HAS3: variants seen among roughly 807,000 people sequenced by gnomAD.
The protein encoded by HAS3 is HA synthase 3.
Under a neutral mutation model 50.3 loss-of-function variants are expected in HAS3, and 27 were observed. The observed-to-expected ratio is 0.54, with a 90% CI of 0.40 to 0.74. The LOEUF is 0.74. HAS3 is among the 30% of genes least tolerant of loss of function. HAS3 has a pLI of 0.00. For missense variants in HAS3, 517 were observed against 742.8 expected (o/e 0.70, Z 3.53); for synonymous variants, 339 against 310.9 (o/e 1.09, Z -0.95).
upstream of HAS3, among the ~76,000 whole-genome samples, chr16:69,103,385 A>AAGAC (rs1960716001): frequency 6.6e-6 from 1 of 152,104 alleles, no homozygotes; most frequent in African/African-American, 2.4e-5. Flanking sequence ...CAAGAGAGAC[A>AAGAC]AGACATTTTT....
In HAS3 at chr16:69,106,077, G is replaced by A. The variant is rs917445942; in HGVS notation, c.-1+290G>A. 1.3e-5 allele frequency among the ~76,000 whole-genome samples: 2 copies of A among 152,114 alleles called. No homozygotes were observed. Among genetic ancestry groups the A allele is most frequent in the African/African-American group, 4.8e-5 (2 of 41,434 alleles). On this transcript the variant is annotated intron_variant, in intron 1 of 3. Transcript: ENST00000569188. This position sits in a 1 kb window ranked among gnomAD's most constrained non-coding sequence, Gnocchi z 5.5. ...TCCCCGCCGAGCGCTGGCTTGTGGC[G>A]CTCCCTGGGACCGCGCGGGGTCGGG... is the stretch of plus-strand genomic sequence containing the variant.
upstream of HAS3, among the ~76,000 whole-genome samples, chr16:69,103,223 C>T (rs896866208): frequency 6.6e-6 from 1 of 152,144 alleles, no homozygotes; most frequent in Non-Finnish European, 1.5e-5. Context: ...CATTTTTGCC[C>T]TTGCCAAGCC....
At chr16:69,085,868 C>T in the HAS3 span, among the ~76,000 whole-genome samples, 46 of 152,082 alleles carry the variant, frequency 3.0e-4, no homozygotes, top group African/African-American at 1.0e-3. Flanking sequence ...CATGAGCCAC[C>T]GTGCCTGACC....
Position 69,116,543 on chromosome 16 carries a change from T to C in HAS3, c.*1277T>C, listed in dbSNP as rs1025787836. Reference sequence around the variant, plus strand: ...CTTTGAGACCATCCATTCTCCTCAGTGGCTTCTCCAGGGAATTCTTACAGC... The same window carrying C: ...CTTTGAGACCATCCATTCTCCTCAGCGGCTTCTCCAGGGAATTCTTACAGC... On this transcript the variant is annotated 3_prime_UTR_variant, in exon 4 of 4. Coordinates refer to ENST00000569188, the MANE Select transcript of HAS3 (RefSeq NM_001199280.2). 4.1e-6 allele frequency: 4 copies of C among 985,624 alleles called. No individual in the cohort carries two copies. In the African/African-American group the frequency reaches 5.2e-5, roughly 13 times the overall value. 61.1% of individuals were successfully genotyped at this position (985,624 alleles called of 1,614,324 possible).
rs975457475 is a variant in HAS3, at chr16:69,116,978, C to G, written c.*1712C>G. The G allele has an allele frequency of 1.0e-6, 1 of 985,318 alleles. No homozygotes were observed. Among genetic ancestry groups the G allele is most frequent in the African/African-American group, 1.7e-5 (1 of 57,232 alleles). The allele number at this position is 985,318 out of a possible 1,614,324, so 61.0% of individuals were successfully genotyped here. On this transcript the variant is annotated 3_prime_UTR_variant, in exon 4 of 4. Coordinates refer to ENST00000569188, the MANE Select transcript of HAS3 (RefSeq NM_001199280.2). ...AGCCACAGATGGGCAAACCCTGGTG[C>G]TTTCCTTCATCTCCCACGAACTCAA...
intron 3 of HAS3, 81 bp downstream of exon 3, chr16:69,113,623 T>C: frequency 1.2e-6 from 1 of 819,746 alleles, no homozygotes; most frequent in Non-Finnish European, 2.0e-6. Flanking sequence ...GGGAAATGGG[T>C]GTCTTGACTT....
chr16:69,112,211 G>A (rs556163000), intron 2 of HAS3, among the ~76,000 whole-genome samples: 11 of 152,380 alleles, frequency 7.2e-5, no homozygotes, highest in African/African-American at 2.6e-4. Context: ...GGGCAGGGAG[G>A]AGCAGTGAGA....
chr16:69,102,863 T>A (rs1165829788), upstream of HAS3, among the ~76,000 whole-genome samples: 5 of 151,978 alleles, frequency 3.3e-5, no homozygotes, highest in East Asian at 9.6e-4. Flanking sequence ...CCCAGAGAAG[T>A]CATGTTGCTG....
chr16:69,105,179 G>T (rs1332736455), upstream of HAS3, among the ~76,000 whole-genome samples: 1 of 151,700 alleles, frequency 6.6e-6, no homozygotes. Flanking sequence ...CGAAAGTGCT[G>T]AGATTACAGG....
At chr16:69,108,781 C>G (rs1241065263) in intron 1 of HAS3, among the ~76,000 whole-genome samples, 1 of 152,226 alleles carries the variant, frequency 6.6e-6, no homozygotes, top group Non-Finnish European at 1.5e-5. Flanking sequence ...GAAAGTTTCT[C>G]TAATAACTGT....
rs2232226 is a variant in HAS3 at position 69,109,241 on chromosome 16, G to T, written c.1-155G>T. Among the ~76,000 whole-genome samples the T allele has an allele frequency of 7.7e-3, 1,166 of 152,356 alleles. 16 individuals carry two copies. Among genetic ancestry groups the T allele is most frequent in the African/African-American group, 0.025 (1,049 of 41,586 alleles). ...CAGAGCTGGGATCTGAACCCCAGTA[G>T]TCTGGCTTCTGAGTCTACCAAGTCT... On this transcript the variant is annotated intron_variant, in intron 1 of 3. Coordinates refer to ENST00000569188, the MANE Select transcript of HAS3 (RefSeq NM_001199280.2). This position sits in a 1 kb window ranked among gnomAD's most constrained non-coding sequence, Gnocchi z 5.3.
intron 1 of HAS3, among the ~76,000 whole-genome samples, chr16:69,108,007 T>G (rs1450768253): frequency 6.6e-6 from 1 of 152,030 alleles, no homozygotes; most frequent in East Asian, 1.9e-4. Flanking sequence ...GACAGGAAAG[T>G]GTGTTTGTTT....
In HAS3 at chr16:69,116,899, G is replaced by A. The variant is rs1390854135; in HGVS notation, c.*1633G>A. 12 of 985,326 alleles carry A rather than the reference G, an allele frequency of 1.2e-5. No individual in the cohort carries two copies. The highest frequency in any genetic ancestry group is 1.4e-5 in the Non-Finnish European group (12 of 829,942). 61.0% of individuals were successfully genotyped at this position (985,326 alleles called of 1,614,324 possible). On this transcript the variant is annotated 3_prime_UTR_variant, in exon 4 of 4. Coordinates refer to ENST00000569188, the MANE Select transcript of HAS3 (RefSeq NM_001199280.2). ...GCACTAAGGTGGACAGCAGACAAGA[G>A]GGCAAGCCTCTAGTGTACCAAGTGC...
the HAS3 span, among the ~76,000 whole-genome samples, chr16:69,098,907 T>A: frequency 3.4e-4 from 51 of 152,092 alleles, 1 homozygote; most frequent in African/African-American, 1.2e-3. Flanking sequence ...TCAGGTGATC[T>A]GCCTGCCTCT....
At chr16:69,084,417 C>T in the HAS3 span, 9 of 152,296 alleles carry the variant, frequency 5.9e-5, no homozygotes, top group Non-Finnish European at 8.8e-5. Flanking sequence ...AAAAGAACCA[C>T]GAGCATCCAG....
chr16:69,105,205 C>T (rs1052709589), upstream of HAS3, among the ~76,000 whole-genome samples: 1 of 151,392 alleles, frequency 6.6e-6, no homozygotes, highest in Admixed American at 6.6e-5. Flanking sequence ...GCCACGGCGC[C>T]CGGCCACTCA....
rs1307027424 is a variant in HAS3 at position 69,114,122 on chromosome 16, G to A, written c.739-221G>A. 6.6e-6 allele frequency among the ~76,000 whole-genome samples: 1 copy of A among 152,224 alleles called. No individual in the cohort carries two copies. The highest frequency in any genetic ancestry group is 1.5e-5 in the Non-Finnish European group (1 of 68,044). ...GAGCCACTTAGTGGGGAAAATCTCT[G>A]CAGATAAGATGACACAGTAGGGAGG... On this transcript the variant is annotated intron_variant, in intron 3 of 3. Coordinates refer to ENST00000569188, the MANE Select transcript of HAS3 (RefSeq NM_001199280.2). This position sits in a 1 kb window ranked among gnomAD's most constrained non-coding sequence, Gnocchi z 6.4.
downstream of HAS3, chr16:69,118,414 T>C: frequency 1.9e-6 from 3 of 1,613,604 alleles, no homozygotes; most frequent in Non-Finnish European, 8.5e-7. Context: ...AGGTCAGAGC[T>C]ACGGAAGCAT....
the HAS3 span, among the ~76,000 whole-genome samples, chr16:69,097,421 T>C: frequency 6.7e-6 from 1 of 149,382 alleles, no homozygotes; most frequent in South Asian, 2.1e-4. Flanking sequence ...CACTCCAGCC[T>C]GGGTGACAGA....
Sources: gnomAD v4.1 joint callset for allele counts (sites outside exome capture counted in the v4.1 genomes callset) on GRCh38, gnomAD v4.1.1 for gene constraint, Gnocchi (gnomAD v3.1) non-coding constraint, MANE v1.5 for transcripts, NCBI Gene and HGNC (gene_info 2026-07-23, HGNC 2026-07-21) for gene names.